Variants in EHBP1 observed in about 807,000 individuals in gnomAD.
EHBP1 encodes EH domain binding protein 1, also known as EH domain-binding protein 1.
A neutral mutation model predicts 144.0 loss-of-function variants in EHBP1; 55 were observed. The observed-to-expected ratio is 0.38, with a 90% confidence interval of 0.31 to 0.48. The LOEUF (loss-of-function observed/expected upper bound fraction) is 0.48, where lower values mean the gene tolerates loss of function less well. Among genes scored for constraint, EHBP1 ranks in the 20% least tolerant of loss-of-function variants. The probability of loss-of-function intolerance (pLI) is 0.98; values close to 1 mark genes in which losing one functional copy is unlikely to be tolerated. For synonymous variants in EHBP1, 469 were observed against 472.7 expected, an observed-to-expected ratio of 0.99 and a Z score of 0.10; for missense variants, 1,200 against 1,364.2, an observed-to-expected ratio of 0.88 and a Z score of 1.90.
chr2:62,678,409 A>G (rs1240034654), intron 1 of EHBP1, among the ~76,000 whole-genome samples: 1 of 152,122 alleles, frequency 6.6e-6, no homozygotes, highest in Non-Finnish European at 1.5e-5. Flanking sequence ...GTAGTTTGCA[A>G]ATCTTTTCTC....
chr2:62,820,668 T>C (rs1165455134), intron 5 of EHBP1, among the ~76,000 whole-genome samples: 2 of 148,218 alleles, frequency 1.3e-5, no homozygotes, highest in African/African-American at 5.0e-5. Context: ...TATTGTTGCA[T>C]ACGTCAAAAT....
chr2:62,897,214 A>T (rs1398629994), intron 10 of EHBP1, among the ~76,000 whole-genome samples: 1 of 152,200 alleles, frequency 6.6e-6, no homozygotes, highest in Non-Finnish European at 1.5e-5. Flanking sequence ...TCCTATAAAC[A>T]CTGGTCTGCC....
chr2:63,032,171 A>G (rs1290401740), intron 19 of EHBP1, among the ~76,000 whole-genome samples: 1 of 151,938 alleles, frequency 6.6e-6, no homozygotes, highest in Non-Finnish European at 1.5e-5. Flanking sequence ...CCAACATGGC[A>G]GATGTATACA....
In EHBP1 at chr2:62,802,096, G is replaced by A. The variant is rs2044034506; in HGVS notation, c.313-23991G>A. 2.0e-5 allele frequency among the ~76,000 whole-genome samples: 3 copies of A among 152,328 alleles called. No homozygotes were observed. The South Asian group carries it at 6.2e-4, about 32-fold the overall frequency. On this transcript the variant is annotated intron_variant, in intron 5 of 22. Coordinates refer to ENST00000431489, the MANE Select transcript of EHBP1 (RefSeq NM_001142616.3). ...GCTCACAGCCTGTGGAGGCAAACAA[G>A]AAAACAGAACTAATAACTGATATCA...
intron 10 of EHBP1, among the ~76,000 whole-genome samples, chr2:62,914,406 A>G (rs2054451145): frequency 6.6e-6 from 1 of 152,142 alleles, no homozygotes; most frequent in African/African-American, 2.4e-5. Flanking sequence ...AAGCCAGTTC[A>G]TTAGTTCTTT....
rs191382131 is a variant in EHBP1, at chr2:62,752,876, A to G, written c.162+5424A>G. Among the ~76,000 whole-genome samples, 893 of 151,884 alleles carry G rather than the reference A, an allele frequency of 5.9e-3. 6 individuals are homozygous for G. The highest frequency in any genetic ancestry group is 8.1e-3 in the Non-Finnish European group (547 of 67,936). ...TTGGTAGATCTTCCTCCATCCCTTT[A>G]TTTTGAGCCTATGTGTGTCTCTGCA... On this transcript the variant is annotated intron_variant, in intron 3 of 22. Coordinates refer to ENST00000431489, the MANE Select transcript of EHBP1 (RefSeq NM_001142616.3).
At chr2:62,778,102 C>T (rs1224359431) in intron 5 of EHBP1, among the ~76,000 whole-genome samples, 1 of 152,122 alleles carries the variant, frequency 6.6e-6, no homozygotes, top group Non-Finnish European at 1.5e-5. Context: ...TGCAGTCTTT[C>T]CCACTATTTC....
intron 7 of EHBP1, among the ~76,000 whole-genome samples, chr2:62,841,189 A>C (rs1426069332): frequency 6.6e-6 from 1 of 152,192 alleles, no homozygotes; most frequent in Non-Finnish European, 1.5e-5. Flanking sequence ...TGTCCTTTGT[A>C]TGGACATGGA....
Position 62,874,380 on chromosome 2 carries a change from C to T in EHBP1, c.1033C>T (p.Pro345Ser), listed in dbSNP as rs1158934167. ...NPFYEPKSTPPPNNLVNPVQE... is the reference protein window; with the variant it reads ...NPFYEPKSTPSPNNLVNPVQE... ...TTTTTATGAACCTAAATCAACTCCT[C>T]CTCCAAATAATTTGGTAAATCCTGT... The change falls in exon 10 of 23, where the codon CCT becomes TCT. Residue 345 changes from proline to serine, a missense_variant. By Grantham distance (74) the Pro-to-Ser change is moderately conservative. Transcript: ENST00000431489. The T allele has an allele frequency of 1.2e-6, 2 of 1,608,168 alleles. No individual in the cohort carries two copies. Among genetic ancestry groups the T allele is most frequent in the Non-Finnish European group, 1.7e-6 (2 of 1,177,352 alleles).
At chr2:62,879,546 AACACACACAC>A (rs70962798) in intron 10 of EHBP1, among the ~76,000 whole-genome samples, 116 of 133,792 alleles carry the variant, frequency 8.7e-4, no homozygotes, top group East Asian at 1.4e-3. Context: ...TATTCACAAT[AACACACACAC>A]ACACACACAC....
At chr2:62,883,523 G>T (rs1324981059) in intron 10 of EHBP1, among the ~76,000 whole-genome samples, 3 of 152,106 alleles carry the variant, frequency 2.0e-5, no homozygotes, top group Non-Finnish European at 2.9e-5. Flanking sequence ...TAAGACACCT[G>T]GTAGTTTGGA....
rs914780803 is a variant in EHBP1, at chr2:62,804,835, T to A, written c.313-21252T>A. Among the ~76,000 whole-genome samples, 14 of 152,300 alleles carry A rather than the reference T, an allele frequency of 9.2e-5. No homozygotes were observed. The East Asian group carries it at 2.7e-3, about 29-fold the overall frequency. On this transcript the variant is annotated intron_variant, in intron 5 of 22. Transcript: ENST00000431489. ...AATCAGTGGTGGCATTAGATTCTCA[T>A]AGGAGTGTGAACCCTATTGTGAGCT...
At chr2:62,879,590 C>CACACACACACAG (rs1453595274) in intron 10 of EHBP1, among the ~76,000 whole-genome samples, 55 of 139,194 alleles carry the variant, frequency 4.0e-4, no homozygotes, top group East Asian at 2.9e-3. Flanking sequence ...CACACACACA[C>CACACACACACAG]AGAGACAGAG....
Position 62,948,956 on chromosome 2 carries a change from A to T in EHBP1, c.2110A>T (p.Asn704Tyr). 6.2e-7 allele frequency: 1 copy of T among 1,614,042 alleles called. No individual in the cohort carries two copies. The highest frequency in any genetic ancestry group is 8.5e-7 in the Non-Finnish European group (1 of 1,179,974). ...GSNLEKEKLE[N>Y]SRSLECRSDP... is the part of the protein sequence containing the mutation. ...TAACTTGGAGAAAGAAAAATTAGAG[A>T]ATTCCAGATCCTTAGAATGCAGATC... The change falls in exon 13 of 23, where the codon AAT (asparagine) becomes TAT (tyrosine). Residue 704 changes from asparagine to tyrosine, a missense_variant. Physicochemically the swap from Asn to Tyr is moderately radical, Grantham distance 143 (BLOSUM62 -2). Around this residue, in one of 6 missense-constraint regions of EHBP1, gnomAD observed 543 missense variants for 513.1 expected, o/e 1.06. Transcript: ENST00000431489.
At chr2:62,787,400 C>A (rs1176015554) in intron 5 of EHBP1, among the ~76,000 whole-genome samples, 3 of 114,468 alleles carry the variant, frequency 2.6e-5, no homozygotes, top group Non-Finnish European at 5.4e-5. Flanking sequence ...CGCTGCCCCC[C>A]CCCCCCACCC....
chr2:63,011,037 T>C (rs943807120), intron 19 of EHBP1, among the ~76,000 whole-genome samples: 4 of 151,238 alleles, frequency 2.6e-5, no homozygotes, highest in South Asian at 4.2e-4. Flanking sequence ...TCTAAATCCA[T>C]TGGATAATAG....
intron 5 of EHBP1, among the ~76,000 whole-genome samples, chr2:62,783,360 G>C (rs566874729): frequency 6.6e-6 from 1 of 152,364 alleles, no homozygotes; most frequent in South Asian, 2.1e-4. Flanking sequence ...GCTCCACTAG[G>C]CAGTGCCCCA....
At chr2:63,026,262 C>T (rs1476109662) in intron 19 of EHBP1, among the ~76,000 whole-genome samples, 5 of 138,624 alleles carry the variant, frequency 3.6e-5, no homozygotes, top group Non-Finnish European at 7.7e-5. Flanking sequence ...GAGAGGATAC[C>T]GAAGTTTGAG....
chr2:62,848,228 A>G (rs1314899918), intron 7 of EHBP1, among the ~76,000 whole-genome samples: 1 of 151,918 alleles, frequency 6.6e-6, no homozygotes, highest in East Asian at 1.9e-4. Context: ...GCAGGTGTCC[A>G]CCACCATGCC....
Sources: allele counts gnomAD v4.1 joint callset (sites outside exome capture counted in the v4.1 genomes callset), GRCh38; gene constraint gnomAD v4.1.1; regional missense constraint gnomAD v4.1.1; transcripts MANE v1.5; gene names NCBI Gene and HGNC (gene_info 2026-07-23, HGNC 2026-07-21).